Variants in ROBO2 observed in about 807,000 individuals in gnomAD.
The protein encoded by ROBO2 is roundabout homolog 2.
Under a neutral mutation model 160.8 loss-of-function variants are expected in ROBO2, and 53 were observed. That is an observed-to-expected ratio of 0.33 (90% CI 0.26 to 0.41). The LOEUF (loss-of-function observed/expected upper bound fraction) is 0.41, where lower values mean the gene tolerates loss of function less well. Among genes scored for constraint, ROBO2 ranks in the 10% least tolerant of loss-of-function variants. The pLI, the probability that ROBO2 is intolerant of heterozygous loss-of-function variation, is 1.00. For missense variants in ROBO2, 1,577 were observed against 1,722.4 expected (o/e 0.92, Z 1.49); for synonymous variants, 664 against 611.7 (o/e 1.09, Z -1.26).
At chr3:76,834,084 T>TTC in intron 2 of ROBO2, among the ~76,000 whole-genome samples, 1 of 145,634 alleles carries the variant, frequency 6.9e-6, no homozygotes, top group African/African-American at 2.5e-5. Context: ...CTTTCTTTCT[T>TTC]TCTTTCTTTC....
At chr3:76,185,970 G>T in intron 2 of ROBO2, among the ~76,000 whole-genome samples, 1 of 141,888 alleles carries the variant, frequency 7.0e-6, no homozygotes. Flanking sequence ...GTCTCACTCT[G>T]TTGCCCAGGC....
intron 2 of ROBO2, among the ~76,000 whole-genome samples, chr3:76,716,361 T>G (rs998816425): frequency 6.6e-5 from 10 of 152,174 alleles, no homozygotes; most frequent in African/African-American, 2.4e-4. Flanking sequence ...AAAATGTATA[T>G]CTTACGTTTT....
At chr3:75,922,199 G>T (rs1947087873) in intron 1 of ROBO2, among the ~76,000 whole-genome samples, 1 of 152,086 alleles carries the variant, frequency 6.6e-6, no homozygotes, top group African/African-American at 2.4e-5. Flanking sequence ...TTGGCTATAT[G>T]TATTTTATAG....
intron 2 of ROBO2, among the ~76,000 whole-genome samples, chr3:76,429,673 A>G (rs1373893783): frequency 6.6e-6 from 1 of 152,186 alleles, no homozygotes; most frequent in Non-Finnish European, 1.5e-5. Context: ...TCTTAGTAGA[A>G]CTGAGTGTAT....
At chr3:77,539,565 AG>A (rs1261236902) in intron 6 of ROBO2, among the ~76,000 whole-genome samples, 11 of 152,188 alleles carry the variant, frequency 7.2e-5, no homozygotes, top group Admixed American at 4.6e-4. Flanking sequence ...ATTATTCCTT[AG>A]GTATAATGAG....
In ROBO2 at chr3:76,524,487, A is replaced by G. The variant is rs540781917; in HGVS notation, c.110-573527A>G. Among the ~76,000 whole-genome samples, 3 of 151,978 alleles carry G rather than the reference A, an allele frequency of 2.0e-5. No homozygotes were observed. The South Asian group carries it at 6.2e-4, about 32-fold the overall frequency. On this transcript the variant is annotated intron_variant, in intron 2 of 26. Transcript: ENST00000487694. ...ATAAATGCTTTAAGGTGAGGGCGACAATTTTTAAGCACCCAGATACTTAAC... is the reference window on the plus strand; with the variant it reads ...ATAAATGCTTTAAGGTGAGGGCGACGATTTTTAAGCACCCAGATACTTAAC...
chr3:76,700,654 C>T (rs956658837), intron 2 of ROBO2, among the ~76,000 whole-genome samples: 17 of 152,116 alleles, frequency 1.1e-4, no homozygotes, highest in East Asian at 3.9e-4. Context: ...CCTTTGAGGA[C>T]GTTCTTGACT....
intron 2 of ROBO2, among the ~76,000 whole-genome samples, chr3:76,736,299 A>AAAATAAAATAAAATAAAATAAAAT (rs1461778718): frequency 1.3e-5 from 2 of 150,666 alleles, no homozygotes; most frequent in African/African-American, 4.9e-5. Context: ...AAAATAAAAT[A>AAAATAAAATAAAATAAAATAAAAT]AAATAAAATA....
intron 2 of ROBO2, among the ~76,000 whole-genome samples, chr3:77,323,558 T>G (rs2065039354): frequency 6.6e-6 from 1 of 152,186 alleles, no homozygotes; most frequent in South Asian, 2.1e-4. Flanking sequence ...CATCATTTAA[T>G]CACACCAAGT....
At chr3:77,270,878 G>A (rs529249772) in intron 2 of ROBO2, among the ~76,000 whole-genome samples, 1 of 151,790 alleles carries the variant, frequency 6.6e-6, no homozygotes, top group Non-Finnish European at 1.5e-5. Flanking sequence ...GGAAGGCGGA[G>A]CTTGCAGTGA....
chr3:77,533,231 G>T (rs1666158), intron 6 of ROBO2, among the ~76,000 whole-genome samples: 117,183 of 151,576 alleles, frequency 0.77, 45,708 homozygotes, highest in African/African-American at 0.86. Context: ...AGTTATGAGG[G>T]GTGTGCATTT....
intron 2 of ROBO2, among the ~76,000 whole-genome samples, chr3:77,454,766 T>C (rs1274969901): frequency 6.6e-6 from 1 of 152,246 alleles, no homozygotes; most frequent in Non-Finnish European, 1.5e-5. Flanking sequence ...TAATTGTGTC[T>C]TCTCTTTTTC....
At position 77,243,095 on chromosome 3, in the gene ROBO2, G is replaced by A. The variant is rs540220889; in HGVS notation, c.388+144755G>A. Among the ~76,000 whole-genome samples the A allele has an allele frequency of 3.2e-4, 49 of 151,836 alleles. 1 individual carries two copies. In the South Asian group the frequency reaches 3.5e-3, roughly 11 times the overall value. ...GCCAACTTTCTGATCTAGGATGTTA[G>A]GACAGTCACTCACTGAAGGAATTTT... On this transcript the variant is annotated intron_variant, in intron 2 of 25. Transcript: ENST00000461745.
intron 2 of ROBO2, among the ~76,000 whole-genome samples, chr3:76,493,763 T>A (rs1312942633): frequency 6.6e-6 from 1 of 152,134 alleles, no homozygotes; most frequent in Admixed American, 6.6e-5. Context: ...GAAAGTTTTG[T>A]CTTGTACCTC....
At chr3:76,686,089 G>A (rs1321712923) in intron 2 of ROBO2, among the ~76,000 whole-genome samples, 1 of 152,074 alleles carries the variant, frequency 6.6e-6, no homozygotes, top group African/African-American at 2.4e-5. Context: ...CATCCAAGTG[G>A]AGGGGAAAGG....
chr3:77,426,179 GGAGCAAAGT>G (rs2153537006), intron 2 of ROBO2, among the ~76,000 whole-genome samples: 1 of 152,254 alleles, frequency 6.6e-6, no homozygotes, highest in South Asian at 2.1e-4. Flanking sequence ...CAGTGGAAAT[GGAGCAAAGT>G]GAGCATATTC....
intron 2 of ROBO2, among the ~76,000 whole-genome samples, chr3:76,171,202 T>C (rs1193930359): frequency 6.6e-6 from 1 of 152,160 alleles, no homozygotes; most frequent in Non-Finnish European, 1.5e-5. Flanking sequence ...ATTTCTGATA[T>C]AAAATTTGAG....
At chr3:75,948,507 G>A (rs1482487296) in intron 2 of ROBO2, among the ~76,000 whole-genome samples, 1 of 151,972 alleles carries the variant, frequency 6.6e-6, no homozygotes, top group Non-Finnish European at 1.5e-5. Flanking sequence ...GTTCTTCAAC[G>A]TGGCCCAAAT....
intron 2 of ROBO2, among the ~76,000 whole-genome samples, chr3:76,202,559 G>A (rs894980483): frequency 4.6e-5 from 7 of 152,270 alleles, no homozygotes; most frequent in Middle Eastern, 6.8e-3. Flanking sequence ...GATCATAGGT[G>A]CAGACAGACT....
Sources: gnomAD v4.1 joint callset for allele counts (sites outside exome capture counted in the v4.1 genomes callset) on GRCh38, gnomAD v4.1.1 for gene constraint, MANE v1.5 for transcripts, NCBI Gene and HGNC (gene_info 2026-07-23, HGNC 2026-07-21) for gene names.